The following SPATS2 variants were observed in gnomAD, a reference collection of about 807,000 sequenced individuals.
SPATS2 encodes spermatogenesis associated serine rich 2, also known as spermatogenesis-associated serine-rich protein 2.
Under a neutral mutation model 63.7 loss-of-function variants are expected in SPATS2, and 38 were observed. That is an observed-to-expected ratio of 0.60 (90% CI 0.46 to 0.78). SPATS2 has a LOEUF of 0.78. Ranked by LOEUF, SPATS2 falls within the 30% of genes least tolerant of loss-of-function variation. The probability of loss-of-function intolerance (pLI) is 0.00; values close to 1 mark genes in which losing one functional copy is unlikely to be tolerated. For synonymous variants in SPATS2, 207 were observed against 232.9 expected, an observed-to-expected ratio of 0.89 and a Z score of 1.01; for missense variants, 588 against 666.2, an observed-to-expected ratio of 0.88 and a Z score of 1.29.
At chr12:49,437,592 C>T (rs1253891346) in intron 2 of SPATS2, among the ~76,000 whole-genome samples, 1 of 151,864 alleles carries the variant, frequency 6.6e-6, no homozygotes, top group Non-Finnish European at 1.5e-5. Context: ...CTCGGGAGGC[C>T]AAGGCTGGCG....
chr12:49,411,081 A>T (rs1944789560), intron 2 of SPATS2, among the ~76,000 whole-genome samples: 1 of 150,320 alleles, frequency 6.7e-6, no homozygotes, highest in South Asian at 2.1e-4. Flanking sequence ...CTCCCCTTGG[A>T]TGGGATGACT....
chr12:49,465,015 G>A (rs1476971127), intron 3 of SPATS2, among the ~76,000 whole-genome samples: 1 of 152,148 alleles, frequency 6.6e-6, no homozygotes, highest in Non-Finnish European at 1.5e-5. Context: ...TTCACTTAGT[G>A]TAATGTTTTT....
chr12:49,459,778 G>A (rs1431774170), intron 2 of SPATS2, among the ~76,000 whole-genome samples: 1 of 119,186 alleles, frequency 8.4e-6, no homozygotes. Context: ...CTATATTTGA[G>A]CTGGGAAACC....
At chr12:49,503,767 T>C (rs1224505029) in intron 9 of SPATS2, among the ~76,000 whole-genome samples, 1 of 152,188 alleles carries the variant, frequency 6.6e-6, no homozygotes, top group Non-Finnish European at 1.5e-5. Context: ...AGGATCTGAT[T>C]CCATTCGGAA....
At chr12:49,377,287 T>C (rs1944124003) in intron 2 of SPATS2, among the ~76,000 whole-genome samples, 1 of 152,174 alleles carries the variant, frequency 6.6e-6, no homozygotes, top group African/African-American at 2.4e-5. Flanking sequence ...AATTAGACTA[T>C]AGGATATTAT....
chr12:49,461,223 TCA>T (rs765767026), intron 3 of SPATS2, 186 bp downstream of exon 3: 8 of 627,624 alleles, frequency 1.3e-5, no homozygotes, highest in Non-Finnish European at 2.2e-5. Flanking sequence ...GCTTTTCTAC[TCA>T]CACAAACTTA....
chr12:49,490,017 T>C (rs1946357711), intron 5 of SPATS2: 1 of 154,606 alleles, frequency 6.5e-6, no homozygotes, highest in Non-Finnish European at 1.4e-5. Context: ...TGAATTTCCT[T>C]ATCTAATACG....
intron 2 of SPATS2, among the ~76,000 whole-genome samples, chr12:49,375,043 C>T (rs1262768955): frequency 1.2e-4 from 17 of 146,530 alleles, no homozygotes; most frequent in Admixed American, 1.1e-3. Flanking sequence ...GGATTCTTAG[C>T]AGTCCAAATC....
intron 2 of SPATS2, among the ~76,000 whole-genome samples, chr12:49,456,724 G>C (rs1945725770): frequency 6.6e-6 from 1 of 152,182 alleles, no homozygotes; most frequent in African/African-American, 2.4e-5. Flanking sequence ...GGATTCTTCT[G>C]ATGGATTGGA....
At chr12:49,455,682 C>A (rs12819712) in intron 2 of SPATS2, among the ~76,000 whole-genome samples, 12,974 of 152,342 alleles carry the variant, frequency 0.085, 782 homozygotes, top group Non-Finnish European at 0.13. Flanking sequence ...CGTGCAGTGG[C>A]ACAGTCATGG....
intron 9 of SPATS2, among the ~76,000 whole-genome samples, chr12:49,501,345 A>G (rs1446108037): frequency 6.6e-6 from 1 of 152,172 alleles, no homozygotes; most frequent in Non-Finnish European, 1.5e-5. Context: ...GCAAGGGAGC[A>G]TGCATGGGAG....
At chr12:49,510,345 T>G (rs1330151802) in intron 9 of SPATS2, among the ~76,000 whole-genome samples, 1 of 151,752 alleles carries the variant, frequency 6.6e-6, no homozygotes, top group Non-Finnish European at 1.5e-5. Context: ...ATGGATCGCT[T>G]GAGCTCAGGA....
At chr12:49,509,473 T>C (rs574270697) in intron 9 of SPATS2, among the ~76,000 whole-genome samples, 2 of 152,040 alleles carry the variant, frequency 1.3e-5, no homozygotes, top group East Asian at 3.9e-4. Context: ...TTCATCATAT[T>C]GGCCAGGCAT....
In SPATS2 at chr12:49,459,374, G is replaced by T. The variant is rs181269104; in HGVS notation, c.-243-1396G>T. Among the ~76,000 whole-genome samples, 656 of 151,878 alleles carry T rather than the reference G, an allele frequency of 4.3e-3. 4 individuals carry two copies. Among genetic ancestry groups the T allele is most frequent in the South Asian group, 8.1e-3 (39 of 4,800 alleles). On this transcript the variant is annotated intron_variant, in intron 2 of 13. Coordinates refer to ENST00000552918, the MANE Select transcript of SPATS2 (RefSeq NM_023071.4). ...TTATTTATTTATTTTTTGAGATGGG[G>T]TTTCACTCTTGTTGCCCAGGCTGGA...
intron 9 of SPATS2, among the ~76,000 whole-genome samples, chr12:49,500,471 A>G (rs147817629): frequency 3.3e-5 from 5 of 152,256 alleles, no homozygotes; most frequent in African/African-American, 1.2e-4. Flanking sequence ...AGTAGATCAT[A>G]TACTTTAAAG....
intron 2 of SPATS2, among the ~76,000 whole-genome samples, chr12:49,436,155 G>A (rs2137514169): frequency 6.6e-6 from 1 of 151,910 alleles, no homozygotes; most frequent in South Asian, 2.1e-4. Flanking sequence ...ATGAGCTGTT[G>A]AGTACACCTC....
chr12:49,517,743 G>A (rs985432689), intron 10 of SPATS2, among the ~76,000 whole-genome samples: 2 of 152,124 alleles, frequency 1.3e-5, no homozygotes, highest in African/African-American at 2.4e-5. Flanking sequence ...TGTAAAGCCT[G>A]CCCTTTGAGT....
chr12:49,488,294 C>T (rs1946328867), intron 4 of SPATS2, among the ~76,000 whole-genome samples: 1 of 152,004 alleles, frequency 6.6e-6, no homozygotes, highest in African/African-American at 2.4e-5. Context: ...CCGCCTGCCT[C>T]AGCCTCCTAA....
In SPATS2 at chr12:49,494,763, C is replaced by T. The variant is rs146383919; in HGVS notation, c.287C>T (p.Pro96Leu). 2.5e-4 allele frequency: 392 copies of T among 1,573,052 alleles called. No homozygotes were observed. Among genetic ancestry groups the T allele is most frequent in the Non-Finnish European group, 3.1e-4 (363 of 1,162,518 alleles). The change falls in exon 7 of 14, where the codon CCG becomes CTG. Residue 96 changes from proline to leucine, a missense_variant. By Grantham distance (98) the Pro-to-Leu change is moderately conservative. Transcript: ENST00000552918. ...KKKNKKKKNK[P>L]KPAAEPSNGI... Reference sequence around the variant, plus strand: ...TAGAACAAAAAGAAGAAAAACAAACCGAAACCTGCCGCAGAACCAAGTAAC... The same window carrying T: ...TAGAACAAAAAGAAGAAAAACAAACTGAAACCTGCCGCAGAACCAAGTAAC...
Sources: gnomAD v4.1 joint callset for allele counts (sites outside exome capture counted in the v4.1 genomes callset) on GRCh38, gnomAD v4.1.1 for gene constraint, MANE v1.5 for transcripts, NCBI Gene and HGNC (gene_info 2026-07-23, HGNC 2026-07-21) for gene names.